PRKCA: variants seen among roughly 807,000 people sequenced by gnomAD.
PRKCA encodes the protein protein kinase C alpha.
A neutral mutation model predicts 87.0 loss-of-function variants in PRKCA; 27 were observed. That is an observed-to-expected ratio of 0.31 (90% CI 0.23 to 0.43). PRKCA has a LOEUF of 0.43. PRKCA is among the 20% of genes least tolerant of loss of function. The pLI is 1.00. For missense variants in PRKCA, 518 were observed against 852.3 expected, an observed-to-expected ratio of 0.61 and a Z score of 4.88; for synonymous variants, 329 against 311.1, an observed-to-expected ratio of 1.06 and a Z score of -0.61.
At chr17:66,470,201 TTTTTTTTTTTTA>T (rs951695880) in intron 2 of PRKCA, among the ~76,000 whole-genome samples, 38 of 144,378 alleles carry the variant, frequency 2.6e-4, no homozygotes, top group African/African-American at 1.1e-3. Context: ...TTTTTTTTTT[TTTTTTTTTTTTA>T]AAAGACAGAG....
At chr17:66,318,112 G>A (rs940149074) in intron 2 of PRKCA, among the ~76,000 whole-genome samples, 2 of 152,126 alleles carry the variant, frequency 1.3e-5, no homozygotes, top group Non-Finnish European at 2.9e-5. Context: ...TTTCTTTTTA[G>A]TGAACTTAAT....
intron 3 of PRKCA, among the ~76,000 whole-genome samples, chr17:66,498,676 T>C (rs2144120977): frequency 6.6e-6 from 1 of 152,230 alleles, no homozygotes; most frequent in African/African-American, 2.4e-5. Flanking sequence ...ACTGAGCAGG[T>C]TTCTCTAAGG....
chr17:66,532,155 TAA>T (rs11304403), intron 3 of PRKCA, among the ~76,000 whole-genome samples: 84 of 144,474 alleles, frequency 5.8e-4, no homozygotes, highest in Non-Finnish European at 5.5e-4. Flanking sequence ...CTGGTAAAAT[TAA>T]AAAAAAAAAA....
intron 5 of PRKCA, among the ~76,000 whole-genome samples, chr17:66,662,261 G>A (rs1971926829): frequency 6.6e-6 from 1 of 152,152 alleles, no homozygotes; most frequent in Non-Finnish European, 1.5e-5. Flanking sequence ...GCACTTAGAT[G>A]TCACATGCCC....
intron 2 of PRKCA, among the ~76,000 whole-genome samples, chr17:66,437,265 G>C (rs1233253792): frequency 6.6e-6 from 1 of 152,124 alleles, no homozygotes; most frequent in Admixed American, 6.6e-5. Context: ...TGTGTGCAGT[G>C]GTGGAGAAAT....
intron 2 of PRKCA, among the ~76,000 whole-genome samples, chr17:66,401,211 G>T (rs1911004622): frequency 6.6e-6 from 1 of 152,190 alleles, no homozygotes; most frequent in East Asian, 1.9e-4. Context: ...AGGAGCGCAG[G>T]TGAGGGATGA....
At chr17:66,643,047 A>T (rs1057231277) in intron 4 of PRKCA, among the ~76,000 whole-genome samples, 1 of 152,202 alleles carries the variant, frequency 6.6e-6, no homozygotes. Flanking sequence ...GTCTCAAAAA[A>T]CTAGAAAAAT....
intron 2 of PRKCA, among the ~76,000 whole-genome samples, chr17:66,331,391 T>G (rs1472896120): frequency 6.6e-6 from 1 of 152,228 alleles, no homozygotes; most frequent in African/African-American, 2.4e-5. Flanking sequence ...ACTTTAGGTA[T>G]TTAGTATCTT....
chr17:66,756,353 G>C (rs1056084096), intron 13 of PRKCA, among the ~76,000 whole-genome samples: 5 of 152,080 alleles, frequency 3.3e-5, no homozygotes, highest in Non-Finnish European at 7.4e-5. Flanking sequence ...AAGAGGAGAG[G>C]GGGGAGACCA....
chr17:66,394,758 T>C (rs1333954171), intron 2 of PRKCA, among the ~76,000 whole-genome samples: 1 of 152,156 alleles, frequency 6.6e-6, no homozygotes, highest in South Asian at 2.1e-4. Flanking sequence ...GTTCTTGTGA[T>C]AGTGAGTTCT....
At chr17:66,547,117 T>C (rs1479801992) in intron 3 of PRKCA, among the ~76,000 whole-genome samples, 1 of 152,232 alleles carries the variant, frequency 6.6e-6, no homozygotes, top group East Asian at 1.9e-4. Flanking sequence ...CTTACCTATC[T>C]ACCTTCCTTT....
rs192862123 is a variant in PRKCA, at chr17:66,731,442, G to C, written c.919-1246G>C. Among the ~76,000 whole-genome samples the C allele has an allele frequency of 9.6e-4, 146 of 152,080 alleles. 2 individuals carry two copies. The East Asian group carries it at 0.026, about 27-fold the overall frequency. ...GCTGTGGAGGTCTAGCCAGGGACCAGGGTCCTGGACCTGTCAGCAGCTGAC... is the reference window on the plus strand; with the variant it reads ...GCTGTGGAGGTCTAGCCAGGGACCACGGTCCTGGACCTGTCAGCAGCTGAC... On this transcript the variant is annotated intron_variant, in intron 8 of 16. Transcript: ENST00000413366.
chr17:66,796,554 C>G, intron 16 of PRKCA: 1 of 985,338 alleles, frequency 1.0e-6, no homozygotes, highest in Non-Finnish European at 1.2e-6. Flanking sequence ...CACTTTATAA[C>G]CCTTAACCGT....
chr17:66,555,761 G>C (rs1968474972), intron 3 of PRKCA, among the ~76,000 whole-genome samples: 1 of 151,962 alleles, frequency 6.6e-6, no homozygotes, highest in Non-Finnish European at 1.5e-5. Flanking sequence ...CTTCTATTAT[G>C]AACTACCACA....
chr17:66,449,147 G>A (rs1475703922), intron 2 of PRKCA, among the ~76,000 whole-genome samples: 1 of 151,886 alleles, frequency 6.6e-6, no homozygotes, highest in African/African-American at 2.4e-5. Flanking sequence ...AAAATAGCTG[G>A]GTGTGGTGGC....
In PRKCA at chr17:66,527,924, G is replaced by A. The variant is rs1205625571; in HGVS notation, c.288+31641G>A. Among the ~76,000 whole-genome samples the A allele has an allele frequency of 2.6e-5, 4 of 152,160 alleles. No homozygotes were observed. The South Asian group carries it at 6.2e-4, about 24-fold the overall frequency. ...ATTAAAAACATGATACAGGTTGGGC[G>A]CGGTAGCTCACGCCTGAAATCCCAG... On this transcript the variant is annotated intron_variant, in intron 3 of 16. Transcript: ENST00000413366.
intron 2 of PRKCA, among the ~76,000 whole-genome samples, chr17:66,320,144 A>C (rs1430894454): frequency 6.6e-6 from 1 of 152,174 alleles, no homozygotes. Flanking sequence ...ATTTTAGAGT[A>C]AGAAAGGACC....
chr17:66,781,091 T>A (rs1378083251), intron 14 of PRKCA, among the ~76,000 whole-genome samples: 1 of 152,082 alleles, frequency 6.6e-6, no homozygotes, highest in Non-Finnish European at 1.5e-5. Flanking sequence ...CGAGTGAGAC[T>A]CCATCTCAAA....
rs923187143 is a variant in PRKCA, at chr17:66,349,936, G to A, written c.205+43809G>A. 9.2e-5 allele frequency among the ~76,000 whole-genome samples: 14 copies of A among 151,778 alleles called. No individual in the cohort carries two copies. In the South Asian group the frequency reaches 1.0e-3, roughly 11 times the overall value. On this transcript the variant is annotated intron_variant, in intron 2 of 16. Coordinates refer to ENST00000413366, the MANE Select transcript of PRKCA (RefSeq NM_002737.3). ...GGCCACCATTCCCTTATCACATGGC[G>A]TTATCAGGTTATTTAGTTACAGAGG...
Sources: allele counts gnomAD v4.1 joint callset (sites outside exome capture counted in the v4.1 genomes callset), GRCh38; gene constraint gnomAD v4.1.1; transcripts MANE v1.5; gene names NCBI Gene and HGNC (gene_info 2026-07-23, HGNC 2026-07-21).